USH2A: variants seen among roughly 807,000 people sequenced by gnomAD.
USH2A encodes the protein usherin, also known as Usher syndrome 2A (autosomal recessive, mild).
In USH2A, 443 loss-of-function variants were observed where a neutral mutation model predicts 538.9. The observed-to-expected ratio is 0.82, with a 90% CI of 0.76 to 0.89. The LOEUF is 0.89. USH2A is among the 40% of genes least tolerant of loss of function. The pLI, the probability that USH2A is intolerant of heterozygous loss-of-function variation, is 0.00. For missense variants in USH2A, 6,633 were observed against 6,324.8 expected, an observed-to-expected ratio of 1.05 and a Z score of -1.65; for synonymous variants, 2,413 against 2,273.5, an observed-to-expected ratio of 1.06 and a Z score of -1.75.
At chr1:216,001,128 T>C (rs1668256836) in intron 32 of USH2A, among the ~76,000 whole-genome samples, 2 of 152,182 alleles carry the variant, frequency 1.3e-5, no homozygotes, top group Non-Finnish European at 2.9e-5. Flanking sequence ...AAGATGGAGC[T>C]ATTAGCCTCT....
Position 215,639,036 on chromosome 1 carries a change from A to G in USH2A, c.15052+119T>C, listed in dbSNP as rs1047014391. 77 of 1,032,694 alleles carry G rather than the reference A, an allele frequency of 7.5e-5. No homozygotes were observed. The African/African-American group carries it at 1.1e-3, about 15-fold the overall frequency. 64.0% of individuals were successfully genotyped at this position (1,032,694 alleles called of 1,614,324 possible). On this transcript the variant is annotated intron_variant, in intron 69 of 71. Coordinates refer to ENST00000307340, the MANE Select transcript of USH2A (RefSeq NM_206933.4). ...AAAAACTCTGACAACACTTGGCACA[A>G]TTTCTTCTGTATAGTCTATGCTAAT... is the stretch of plus-strand genomic sequence containing the variant.
chr1:216,128,394 T>A (rs1224434199), intron 21 of USH2A, among the ~76,000 whole-genome samples: 3 of 152,056 alleles, frequency 2.0e-5, no homozygotes, highest in Non-Finnish European at 4.4e-5. Context: ...GTGCTTTTGT[T>A]TTTGCTGCAA....
chr1:215,924,890 T>C (rs767258347), intron 38 of USH2A, among the ~76,000 whole-genome samples: 1 of 152,042 alleles, frequency 6.6e-6, no homozygotes, highest in Non-Finnish European at 1.5e-5. Context: ...TATGCAAATA[T>C]GGAGAGCTGG....
intron 47 of USH2A, among the ~76,000 whole-genome samples, chr1:215,830,376 G>T (rs1162827135): frequency 6.6e-6 from 1 of 152,170 alleles, no homozygotes; most frequent in African/African-American, 2.4e-5. Context: ...GCCCCAACGG[G>T]GGGAAAAATC....
At chr1:215,794,923 A>G (rs1050997695) in intron 50 of USH2A, among the ~76,000 whole-genome samples, 8 of 152,206 alleles carry the variant, frequency 5.3e-5, no homozygotes, top group Non-Finnish European at 1.2e-4. Context: ...GTAACTTCCA[A>G]AAGATTCAAA....
intron 21 of USH2A, among the ~76,000 whole-genome samples, chr1:216,103,859 C>A (rs1365668764): frequency 6.6e-6 from 1 of 152,058 alleles, no homozygotes; most frequent in African/African-American, 2.4e-5. Context: ...TACAATGAGA[C>A]ACATCTCCAT....
At chr1:215,805,249 C>T (rs1033302051) in intron 49 of USH2A, among the ~76,000 whole-genome samples, 50 of 151,380 alleles carry the variant, frequency 3.3e-4, no homozygotes, top group African/African-American at 9.2e-4. Flanking sequence ...CTAACCTGCA[C>T]GTTGTGCACA....
intron 9 of USH2A, among the ~76,000 whole-genome samples, chr1:216,311,813 TAATA>T (rs1422608067): frequency 6.6e-6 from 1 of 152,142 alleles, no homozygotes; most frequent in Non-Finnish European, 1.5e-5. Context: ...TACCTAATAA[TAATA>T]AAGTATTCCT....
intron 19 of USH2A, among the ~76,000 whole-genome samples, chr1:216,192,150 A>T (rs2034729135): frequency 6.6e-6 from 1 of 152,010 alleles, no homozygotes; most frequent in African/African-American, 2.4e-5. Context: ...AATGAATCCT[A>T]CATCATCACC....
intron 21 of USH2A, 197 bp downstream of exon 21, chr1:216,175,055 C>T (rs1252925986): frequency 1.4e-6 from 2 of 1,416,084 alleles, no homozygotes; most frequent in African/African-American, 2.9e-5. Flanking sequence ...TTTTCCTTTC[C>T]TTCACTTACC....
intron 32 of USH2A, 136 bp from the exon 33 acceptor site, chr1:216,000,698 A>C: frequency 9.3e-7 from 1 of 1,078,146 alleles, no homozygotes; most frequent in Admixed American, 2.0e-5. Flanking sequence ...CATAAAAATC[A>C]ATAGCAATAA....
At chr1:216,364,734 A>G (rs1167505886) in intron 4 of USH2A, among the ~76,000 whole-genome samples, 1 of 152,190 alleles carries the variant, frequency 6.6e-6, no homozygotes, top group Non-Finnish European at 1.5e-5. Context: ...CTCCAGAAGG[A>G]ACCAACACCA....
chr1:216,268,407 A>G (rs2036515249), intron 11 of USH2A, among the ~76,000 whole-genome samples: 1 of 152,168 alleles, frequency 6.6e-6, no homozygotes, highest in Non-Finnish European at 1.5e-5. Context: ...AACTGAGATT[A>G]TTAATGTAAA....
At chr1:216,013,696 C>A (rs1459648976) in intron 32 of USH2A, among the ~76,000 whole-genome samples, 5 of 109,972 alleles carry the variant, frequency 4.5e-5, no homozygotes, top group Non-Finnish European at 4.0e-5. Context: ...AGAGAACAAC[C>A]CCCCTTTGAC....
chr1:216,373,899 T>C (rs1035356138), intron 3 of USH2A, among the ~76,000 whole-genome samples: 5 of 151,998 alleles, frequency 3.3e-5, no homozygotes, highest in African/African-American at 1.2e-4. Flanking sequence ...GTGGCACATA[T>C]ACACCATGGA....
chr1:216,231,261 T>TATATATATTATATATATA (rs2035680383), intron 14 of USH2A, among the ~76,000 whole-genome samples: 2 of 83,534 alleles, frequency 2.4e-5, no homozygotes, highest in African/African-American at 8.1e-5. Context: ...ATATATATAA[T>TATATATATTATATATATA]ATATATATAT....
At chr1:216,141,395 G>A (rs762788866) in intron 21 of USH2A, among the ~76,000 whole-genome samples, 11 of 152,178 alleles carry the variant, frequency 7.2e-5, no homozygotes, top group Non-Finnish European at 1.2e-4. Flanking sequence ...GGAGTCTACA[G>A]AGGCTGACAT....
At chr1:215,643,904 G>A (rs1160634454) in intron 67 of USH2A, among the ~76,000 whole-genome samples, 2 of 152,100 alleles carry the variant, frequency 1.3e-5, no homozygotes, top group Admixed American at 6.5e-5. Flanking sequence ...CAAAAGCTAA[G>A]CTTCATGACT....
chr1:216,240,521 TA>T (rs1376457504), intron 13 of USH2A, among the ~76,000 whole-genome samples: 4,661 of 133,318 alleles, frequency 0.035, 119 homozygotes, highest in African/African-American at 0.08. Context: ...TCCAGGTCGT[TA>T]AAAAAAAAAA....
Sources: allele counts gnomAD v4.1 joint callset (sites outside exome capture counted in the v4.1 genomes callset), GRCh38; gene constraint gnomAD v4.1.1; transcripts MANE v1.5; gene names NCBI Gene and HGNC (gene_info 2026-07-23, HGNC 2026-07-21).